ASPH: variants seen among roughly 807,000 people sequenced by gnomAD.
ASPH encodes the protein aspartate beta-hydroxylase.
ASPH carries 100 observed loss-of-function variants against 118.4 expected under a neutral mutation model. The ratio of observed to expected loss-of-function variants is 0.84; its 90% CI spans 0.72 to 1.00. ASPH has a LOEUF of 1.00. Among genes scored for constraint, ASPH ranks in the 50% least tolerant of loss-of-function variants. The pLI is 0.00. For synonymous variants in ASPH, 315 were observed against 325.6 expected (o/e 0.97, Z 0.35); for missense variants, 920 against 919.5 (o/e 1.00, Z -0.01).
chr8:61,621,522 C>T (rs947037261), intron 13 of ASPH, among the ~76,000 whole-genome samples: 1 of 152,132 alleles, frequency 6.6e-6, no homozygotes, highest in Admixed American at 6.5e-5. Flanking sequence ...CTCTGGGAGA[C>T]CTCATATGAA....
intron 3 of ASPH, among the ~76,000 whole-genome samples, chr8:61,666,938 T>C (rs1819946431): frequency 6.6e-6 from 1 of 152,194 alleles, no homozygotes. Flanking sequence ...TTAATTTGCT[T>C]CTCTAGATCA....
chr8:61,657,940 C>G (rs1164684370), intron 3 of ASPH: 1 of 152,124 alleles, frequency 6.6e-6, no homozygotes, highest in Non-Finnish European at 1.5e-5. Flanking sequence ...AAAACGTGTC[C>G]TTACTAATCC....
chr8:61,682,547 C>A lies in ASPH; in HGVS notation c.253+1492G>T. 2.1e-6 allele frequency: 3 copies of A among 1,450,036 alleles called. No homozygotes were observed. In the South Asian group the frequency reaches 3.4e-5, roughly 17 times the overall value. 89.8% of individuals were successfully genotyped at this position (1,450,036 alleles called of 1,614,324 possible). On this transcript the variant is annotated intron_variant, in intron 2 of 24. Coordinates refer to ENST00000379454, the MANE Select transcript of ASPH (RefSeq NM_004318.4). ...TTAAAGGTACAAATACTTAAAGTGTCCTCTTTTAAGATACATTCCCTAACA... is the reference window on the plus strand; with the variant it reads ...TTAAAGGTACAAATACTTAAAGTGTACTCTTTTAAGATACATTCCCTAACA...
At chr8:61,705,331 C>T (rs906601149) in intron 1 of ASPH, among the ~76,000 whole-genome samples, 5 of 152,122 alleles carry the variant, frequency 3.3e-5, no homozygotes, top group African/African-American at 1.2e-4. Context: ...ATTATCTGTA[C>T]ACCAAACCCC....
intron 16 of ASPH, among the ~76,000 whole-genome samples, chr8:61,568,915 A>T (rs1236437881): frequency 6.6e-6 from 1 of 152,188 alleles, no homozygotes; most frequent in Non-Finnish European, 1.5e-5. Context: ...TAATGTGCAG[A>T]CAAGGGGAGT....
intron 1 of ASPH, among the ~76,000 whole-genome samples, chr8:61,694,407 A>G (rs1038520545): frequency 3.3e-5 from 5 of 151,344 alleles, no homozygotes; most frequent in Non-Finnish European, 7.4e-5. Context: ...CTAACCTCCC[A>G]CTCACTCCTT....
chr8:61,557,502 C>T (rs1239433645), intron 18 of ASPH, among the ~76,000 whole-genome samples: 1 of 152,216 alleles, frequency 6.6e-6, no homozygotes, highest in Non-Finnish European at 1.5e-5. Context: ...CTACCCCTGA[C>T]CATTACCCGC....
In ASPH at chr8:61,584,720, G is replaced by A. The variant is rs373109788; in HGVS notation, c.977-691C>T. ...AACAGAGTCTCACTATGTCACCCAG[G>A]CTGGTCTTGAACTCCTGGCCTCAAG... On this transcript the variant is annotated intron_variant, in intron 14 of 24. Coordinates refer to ENST00000379454, the MANE Select transcript of ASPH (RefSeq NM_004318.4). Among the ~76,000 whole-genome samples the A allele has an allele frequency of 6.3e-4, 93 of 148,228 alleles. No homozygotes were observed. In the South Asian group the frequency reaches 0.018, roughly 29 times the overall value.
chr8:61,505,778 A>G (rs1806307128), intron 24 of ASPH, among the ~76,000 whole-genome samples: 1 of 152,194 alleles, frequency 6.6e-6, no homozygotes. Flanking sequence ...TTAGGAGAAA[A>G]TGACAGAATA....
rs545567480 is a variant in ASPH, at chr8:61,500,988, T to C, written c.*2371A>G. ...TCTAATGTTTTAATTTTTTCCCCTA[T>C]TGGTAGAGAACAATAACAGAAGTAA... On this transcript the variant is annotated 3_prime_UTR_variant, in exon 25 of 25. Coordinates refer to ENST00000379454, the MANE Select transcript of ASPH (RefSeq NM_004318.4). The C allele has an allele frequency of 5.3e-5, 8 of 152,158 alleles. No individual in the cohort carries two copies. Among genetic ancestry groups the C allele is most frequent in the Non-Finnish European group, 8.8e-5 (6 of 68,024 alleles). The allele number at this position is 152,158 out of a possible 1,614,324, so 9.4% of individuals were successfully genotyped here. A position where few individuals can be genotyped will look rare whatever the true frequency, so the allele number is the denominator to read the frequency against.
chr8:61,634,286 C>T (rs1368755008), intron 12 of ASPH, among the ~76,000 whole-genome samples: 1 of 152,114 alleles, frequency 6.6e-6, no homozygotes, highest in Admixed American at 6.6e-5. Flanking sequence ...ATCTGATTTG[C>T]TCCATGAAAT....
intron 5 of ASPH, 73 bp from the exon 6 acceptor site, chr8:61,646,951 A>G (rs777480513): frequency 6.3e-5 from 100 of 1,589,712 alleles, no homozygotes; most frequent in Non-Finnish European, 7.4e-5. Context: ...GGGCTGCCAC[A>G]CACCTGCTCC....
At chr8:61,541,216 T>C (rs78586331) in intron 21 of ASPH, among the ~76,000 whole-genome samples, 26 of 152,168 alleles carry the variant, frequency 1.7e-4, no homozygotes, top group Non-Finnish European at 3.4e-4. Context: ...AAAAAAAAAT[T>C]AGCCGGGCAT....
At chr8:61,626,383 AT>A (rs1202697886) in intron 13 of ASPH, 53,895 of 855,566 alleles carry the variant, frequency 0.063, no homozygotes, top group East Asian at 0.1. Context: ...CAACAAAGTA[AT>A]TTTTTTTTTT....
intron 1 of ASPH, among the ~76,000 whole-genome samples, chr8:61,706,989 G>A (rs1455696965): frequency 6.6e-6 from 1 of 152,126 alleles, no homozygotes; most frequent in Non-Finnish European, 1.5e-5. Context: ...GTGGTTCAGA[G>A]ATCTAAATGT....
At chr8:61,621,110 G>C (rs1190076736) in intron 13 of ASPH, among the ~76,000 whole-genome samples, 1 of 152,178 alleles carries the variant, frequency 6.6e-6, no homozygotes, top group Non-Finnish European at 1.5e-5. Context: ...ATCTAAAAGG[G>C]GGTTGGCAGT....
At chr8:61,650,857 C>G (rs573097944) in intron 5 of ASPH, among the ~76,000 whole-genome samples, 193 bp downstream of exon 5, 1 of 152,260 alleles carries the variant, frequency 6.6e-6, no homozygotes, top group East Asian at 1.9e-4. Flanking sequence ...AGTTCCTCCA[C>G]GGTGAAGTAG....
At chr8:61,622,046 T>A (rs1369798904) in intron 13 of ASPH, among the ~76,000 whole-genome samples, 1 of 152,208 alleles carries the variant, frequency 6.6e-6, no homozygotes, top group Non-Finnish European at 1.5e-5. Context: ...TGGATTCAGA[T>A]ATACTGTACT....
At chr8:61,585,088 G>T (rs555557434) in intron 14 of ASPH, among the ~76,000 whole-genome samples, 2 of 152,176 alleles carry the variant, frequency 1.3e-5, no homozygotes, top group African/African-American at 4.8e-5. Flanking sequence ...GTGGTACCGT[G>T]TCTTAAAAGC....
Sources: gnomAD v4.1 joint callset for allele counts (sites outside exome capture counted in the v4.1 genomes callset) on GRCh38, gnomAD v4.1.1 for gene constraint, MANE v1.5 for transcripts, NCBI Gene and HGNC (gene_info 2026-07-23, HGNC 2026-07-21) for gene names.